The following ANXA8 variants were observed in gnomAD, a reference collection of about 807,000 sequenced individuals.
ANXA8 encodes VAC-beta.
ANXA8 carries 9 observed loss-of-function variants against 26.8 expected under a neutral mutation model. The ratio of observed to expected loss-of-function variants is 0.34; its 90% confidence interval spans 0.20 to 0.59. ANXA8 has a LOEUF of 0.59. Ranked by LOEUF, ANXA8 falls within the 20% of genes least tolerant of loss-of-function variation. The pLI, the probability that ANXA8 is intolerant of heterozygous loss-of-function variation, is 0.84. For missense variants in ANXA8, 83 were observed against 238.5 expected, an observed-to-expected ratio of 0.35 and a Z score of 4.29; for synonymous variants, 39 against 94.8, an observed-to-expected ratio of 0.41 and a Z score of 3.42.
the ANXA8 span, among the ~76,000 whole-genome samples, chr10:47,689,439 G>A: frequency 6.6e-6 from 1 of 151,884 alleles, no homozygotes; most frequent in Non-Finnish European, 1.5e-5. Context: ...GCCTCCCAAA[G>A]AGCTGGGATT....
chr10:47,653,408 G>A, the ANXA8 span, among the ~76,000 whole-genome samples: 1 of 151,278 alleles, frequency 6.6e-6, no homozygotes, highest in Admixed American at 6.6e-5. Context: ...GAAGATAACT[G>A]AATAGCCAAA....
chr10:47,513,521 G>A, the ANXA8 span, among the ~76,000 whole-genome samples: 3 of 141,716 alleles, frequency 2.1e-5, no homozygotes, highest in Non-Finnish European at 4.6e-5. Flanking sequence ...CTTCTTCACA[G>A]AACTAGAAAA....
chr10:47,495,860 G>T, the ANXA8 span, among the ~76,000 whole-genome samples: 1 of 151,570 alleles, frequency 6.6e-6, no homozygotes, highest in African/African-American at 2.4e-5. Context: ...CTTCACTGTT[G>T]CCAGCAACAC....
At chr10:47,671,286 GT>G in the ANXA8 span, among the ~76,000 whole-genome samples, 1 of 151,702 alleles carries the variant, frequency 6.6e-6, no homozygotes, top group Admixed American at 6.6e-5. Flanking sequence ...ACCGGGCTTG[GT>G]GGTGCGTGCC....
At chr10:47,627,960 C>G in the ANXA8 span, among the ~76,000 whole-genome samples, 9 of 149,804 alleles carry the variant, frequency 6.0e-5, no homozygotes, top group Admixed American at 1.3e-4. Context: ...TATTTCTGCT[C>G]TTATGACTAG....
At chr10:47,946,640 AAGG>A in the ANXA8 span, among the ~76,000 whole-genome samples, 7 of 150,444 alleles carry the variant, frequency 4.7e-5, no homozygotes, top group African/African-American at 1.5e-4. Flanking sequence ...CCTTCCATCC[AAGG>A]AGAAGTCTGA....
At chr10:47,761,766 T>A in the ANXA8 span, 1 of 569,906 alleles carries the variant, frequency 1.8e-6, no homozygotes, top group Non-Finnish European at 3.1e-6. Flanking sequence ...ATCTCAGGAG[T>A]GATAGGAGCA....
the ANXA8 span, among the ~76,000 whole-genome samples, chr10:47,701,717 T>C: frequency 1.3e-5 from 2 of 151,610 alleles, no homozygotes; most frequent in East Asian, 1.9e-4. Flanking sequence ...ACTAAAGAGA[T>C]TGGTCACCTA....
the ANXA8 span, among the ~76,000 whole-genome samples, chr10:47,748,028 C>A: frequency 6.6e-6 from 1 of 152,172 alleles, no homozygotes; most frequent in Non-Finnish European, 1.5e-5. Flanking sequence ...ACATAAGATA[C>A]TTGTGGGAAG....
chr10:47,576,787 A>G, the ANXA8 span, among the ~76,000 whole-genome samples: 36 of 150,588 alleles, frequency 2.4e-4, 3 homozygotes, highest in Middle Eastern at 3.4e-3. Flanking sequence ...CCCAAAGTGC[A>G]GGATTACAGG....
the ANXA8 span, among the ~76,000 whole-genome samples, chr10:47,708,191 A>AT: frequency 8.4e-6 from 1 of 119,316 alleles, no homozygotes; most frequent in Non-Finnish European, 1.9e-5. Flanking sequence ...ATACAAAAAA[A>AT]TTAGCTAGGT....
At chr10:47,681,711 T>A in the ANXA8 span, among the ~76,000 whole-genome samples, 3 of 126,326 alleles carry the variant, frequency 2.4e-5, no homozygotes, top group African/African-American at 9.2e-5. Context: ...TTTTAAAAAA[T>A]TTTTTGTAGC....
At chr10:47,658,286 T>A in the ANXA8 span, among the ~76,000 whole-genome samples, 8 of 151,204 alleles carry the variant, frequency 5.3e-5, no homozygotes, top group African/African-American at 2.0e-4. Context: ...CTTGGGAGGC[T>A]GAGGCAGGAG....
chr10:47,502,217 C>T, the ANXA8 span: 2 of 1,565,202 alleles, frequency 1.3e-6, no homozygotes, highest in Non-Finnish European at 1.7e-6. Context: ...TGCTCCAGGA[C>T]CACATTCCCC....
the ANXA8 span, among the ~76,000 whole-genome samples, chr10:47,772,104 A>G: frequency 2.0e-5 from 3 of 151,716 alleles, no homozygotes; most frequent in East Asian, 5.8e-4. Context: ...CTTTACTATC[A>G]AATCAGATAT....
the ANXA8 span, among the ~76,000 whole-genome samples, chr10:47,548,543 C>G: frequency 6.6e-6 from 1 of 152,004 alleles, no homozygotes; most frequent in African/African-American, 2.4e-5. Context: ...TCAGGTGATT[C>G]ACCCACTTCG....
chr10:47,513,084 G>A, the ANXA8 span, among the ~76,000 whole-genome samples: 2 of 143,388 alleles, frequency 1.4e-5, no homozygotes, highest in Non-Finnish European at 3.0e-5. Context: ...CCAGGCTGGA[G>A]TATGCAATGC....
the ANXA8 span, among the ~76,000 whole-genome samples, chr10:47,644,922 C>G: frequency 2.6e-5 from 4 of 151,270 alleles, no homozygotes; most frequent in African/African-American, 4.9e-5. Context: ...AATAATTTAC[C>G]AAATTATTCC....
At chr10:47,894,947 C>T in the ANXA8 span, among the ~76,000 whole-genome samples, 3 of 151,908 alleles carry the variant, frequency 2.0e-5, no homozygotes, top group Non-Finnish European at 4.4e-5. Flanking sequence ...ACACAGCACG[C>T]ACTACACACC....
Sources: gnomAD v4.1 joint callset for allele counts (sites outside exome capture counted in the v4.1 genomes callset) on GRCh38, gnomAD v4.1.1 for gene constraint, MANE v1.5 for transcripts, NCBI Gene and HGNC (gene_info 2026-07-23, HGNC 2026-07-21) for gene names.